The following HMSD variants were observed in gnomAD, a reference collection of about 807,000 sequenced individuals.
HMSD encodes the protein histocompatibility minor serpin domain containing, also known as serpin-like protein HMSD.
In HMSD, 13 loss-of-function variants were observed where a neutral mutation model predicts 10.0. The observed-to-expected ratio is 1.31, with a 90% confidence interval of 0.85 to 2.08. HMSD has a LOEUF of 2.08. Among genes scored for constraint, HMSD ranks in the 30% most tolerant of loss-of-function variants. The pLI is 0.00. For synonymous variants in HMSD, 51 were observed against 54.2 expected (o/e 0.94, Z 0.26); for missense variants, 169 against 166.3 (o/e 1.02, Z -0.09).
intron 3 of HMSD, among the ~76,000 whole-genome samples, chr18:63,967,424 G>A (rs1370656979): frequency 6.6e-6 from 1 of 152,228 alleles, no homozygotes; most frequent in Non-Finnish European, 1.5e-5. Context: ...ATGAGCCACT[G>A]TGCCCTGCCC....
At position 63,954,412 on chromosome 18, in the gene HMSD, T is replaced by A. The variant is rs2050346703; in HGVS notation, c.77T>A (p.Leu26His). ...TTATTATTATTTTATTTTCAGGCAC[T>A]TTGTTTTAGTAAAATCGGAGGTGAA... ...GNTAAQMSQA[L>H]CFSKIGGEDG... is the part of the protein sequence containing the mutation. The change falls in exon 3 of 4, where the codon CTT becomes CAT. Residue 26 changes from leucine to histidine, a missense_variant. Transcript: ENST00000408945. 1 of 1,610,392 alleles carries A rather than the reference T, an allele frequency of 6.2e-7. No homozygotes were observed. The highest frequency in any genetic ancestry group is 1.3e-5 in the African/African-American group (1 of 74,914).
downstream of HMSD, among the ~76,000 whole-genome samples, chr18:63,962,053 T>C (rs1221332447): frequency 6.6e-6 from 1 of 152,134 alleles, no homozygotes; most frequent in African/African-American, 2.4e-5. Flanking sequence ...ACAAAGTGAG[T>C]TCCATTTAGA....
At position 63,960,188 on chromosome 18, in the gene HMSD, C is replaced by T. The variant is rs539361759; in HGVS notation, c.253C>T (p.Gln85Ter). ...TACAGATTCCTGTGGCAAATTCTAC[C>T]AAGCAACGATAAAACAGCTAGACTT... ...GFTDSCGKFY[Q>*]ATIKQLDFVN... Residue 85 changes from glutamine (Q) to a stop codon, truncating the protein, a stop_gained, in exon 4 of 4, where the codon CAA becomes TAA. Coordinates refer to ENST00000408945, the MANE Select transcript of HMSD (RefSeq NM_001123366.2). LOFTEE classifies it high-confidence loss of function. 1.9e-5 allele frequency: 30 copies of T among 1,612,442 alleles called. No homozygotes were observed. In the African/African-American group the frequency reaches 3.7e-4, roughly 20 times the overall value.
chr18:63,961,321 A>G lies in HMSD; in HGVS notation c.*966A>G, dbSNP rs1216686504. On this transcript the variant is annotated 3_prime_UTR_variant, in exon 4 of 4. Transcript: ENST00000408945. ...ATATAATCAGACTTTAGCCATGTAAATCATAAAACATAGAGATAACAATAT... is the reference window on the plus strand; with the variant it reads ...ATATAATCAGACTTTAGCCATGTAAGTCATAAAACATAGAGATAACAATAT... The G allele has an allele frequency of 6.6e-6, 1 of 152,204 alleles. No individual in the cohort carries two copies. Among genetic ancestry groups the G allele is most frequent in the Non-Finnish European group, 1.5e-5 (1 of 68,028 alleles). 9.4% of individuals were successfully genotyped at this position (152,204 alleles called of 1,614,324 possible). A position where few individuals can be genotyped will look rare whatever the true frequency, so the allele number is the denominator to read the frequency against.
chr18:63,954,181 G>C (rs2050345317), intron 2 of HMSD, among the ~76,000 whole-genome samples: 1 of 152,222 alleles, frequency 6.6e-6, no homozygotes, highest in Admixed American at 6.5e-5. Flanking sequence ...CCAATACTTA[G>C]ATAACATTCG....
At chr18:63,949,573 G>C (rs2050318300) in intron 1 of HMSD, among the ~76,000 whole-genome samples, 173 bp downstream of exon 1, 2 of 152,206 alleles carry the variant, frequency 1.3e-5, no homozygotes, top group South Asian at 4.1e-4. Context: ...TCTGGCGGGG[G>C]CTCCCTAAGG....
chr18:63,969,604 T>C (rs2144772060), intron 3 of HMSD: 1 of 152,038 alleles, frequency 6.6e-6, no homozygotes, highest in East Asian at 1.9e-4. Flanking sequence ...CATGAACCTA[T>C]GGATATAGTG....
intron 1 of HMSD, among the ~76,000 whole-genome samples, chr18:63,952,122 C>T (rs1287466279): frequency 8.0e-6 from 1 of 124,488 alleles, no homozygotes; most frequent in Non-Finnish European, 1.6e-5. Flanking sequence ...GGGAATATCA[C>T]ACTCTGGGGA....
chr18:63,955,231 T>C (rs564523866), intron 3 of HMSD, among the ~76,000 whole-genome samples: 2 of 152,254 alleles, frequency 1.3e-5, no homozygotes, highest in Non-Finnish European at 2.9e-5. Flanking sequence ...TATTGTTTTA[T>C]ACTTTGTTAG....
rs1272854180 is a variant in HMSD at position 63,953,387 on chromosome 18, T to G, written c.-69T>G. Reference sequence around the variant, plus strand: ...TCATGGATGCTCTATCAGAAGCAAATGGCACATTTGCATTAAACCTTTTGA... The same window carrying G: ...TCATGGATGCTCTATCAGAAGCAAAGGGCACATTTGCATTAAACCTTTTGA... On this transcript the variant is annotated 5_prime_UTR_variant, in exon 2 of 4. The change abolishes an upstream ATG in the 5' untranslated region. Transcript: ENST00000408945. 1 of 1,199,626 alleles carries G rather than the reference T, an allele frequency of 8.3e-7. No homozygotes were observed. The highest frequency in any genetic ancestry group is 1.2e-6 in the Non-Finnish European group (1 of 816,652). The allele number at this position is 1,199,626 out of a possible 1,614,324, so 74.3% of individuals were successfully genotyped here.
intron 1 of HMSD, among the ~76,000 whole-genome samples, chr18:63,952,235 C>G (rs547295931): frequency 4.6e-4 from 69 of 150,988 alleles, no homozygotes; most frequent in Middle Eastern, 3.4e-3. Context: ...CACATGTATA[C>G]ATAACTAACC....
In HMSD at chr18:63,954,551, C is replaced by G; in HGVS notation, c.216C>G (p.Phe72Leu). 6.2e-7 allele frequency: 1 copy of G among 1,609,496 alleles called. No homozygotes were observed. The highest frequency in any genetic ancestry group is 1.3e-5 in the African/African-American group (1 of 74,924). Reference sequence around the variant, plus strand: ...TCTTTGGAGAAAAGTCTTATGATTTCCTCACAGTAAGTCATACTTGTTTAT... The same window carrying G: ...TCTTTGGAGAAAAGTCTTATGATTTGCTCACAGTAAGTCATACTTGTTTAT... Reference protein sequence around the residue: ...NGLFGEKSYDFLTGFTDSCGK... With the variant: ...NGLFGEKSYDLLTGFTDSCGK... The change falls in exon 3 of 4, where the codon TTC becomes TTG. Residue 72 changes from phenylalanine to leucine, a missense_variant. Coordinates refer to ENST00000408945, the MANE Select transcript of HMSD (RefSeq NM_001123366.2).
chr18:63,960,379 CAACTATGCA>C lies in HMSD; in HGVS notation c.*28_*36del, dbSNP rs778438963. 28 of 1,550,746 alleles carry C rather than the reference CAACTATGCA, an allele frequency of 1.8e-5. No individual in the cohort carries two copies. In the African/African-American group the frequency reaches 2.8e-4, roughly 15 times the overall value. ...AAAAAGGAGTCCTTTTTTCTCTAAA[CAACTATGCA>C]AACATTAAAACCTTTCTTTGGAAAT... On this transcript the variant is annotated 3_prime_UTR_variant, in exon 4 of 4. Coordinates refer to ENST00000408945, the MANE Select transcript of HMSD (RefSeq NM_001123366.2).
chr18:63,953,326 A>C, intron 1 of HMSD, 28 bp from the exon 2 acceptor site: 1 of 655,162 alleles, frequency 1.5e-6, no homozygotes, highest in Non-Finnish European at 2.8e-6. Flanking sequence ...ATATTAATGT[A>C]ATATTGTTTA....
chr18:63,960,158 G>T lies in HMSD; in HGVS notation c.223G>T (p.Gly75Cys). The T allele has an allele frequency of 6.2e-7, 1 of 1,610,326 alleles. No individual in the cohort carries two copies. Among genetic ancestry groups the T allele is most frequent in the East Asian group, 2.2e-5 (1 of 44,796 alleles). The change falls in exon 4 of 4, where the codon GGT (glycine) becomes TGT (cysteine). Residue 75 changes from glycine (G) to cysteine (C), a missense_variant and splice_region_variant. Coordinates refer to ENST00000408945, the MANE Select transcript of HMSD (RefSeq NM_001123366.2). ...AAATTATGTTTTTGGTTTTTCCTAG[G>T]GTTTTACAGATTCCTGTGGCAAATT... ...FGEKSYDFLT[G>C]FTDSCGKFYQ...
chr18:63,966,658 CATTT>C (rs1188597978), downstream of HMSD: 3 of 152,220 alleles, frequency 2.0e-5, no homozygotes, highest in African/African-American at 7.2e-5. Flanking sequence ...TTTTTCCTGA[CATTT>C]ATTTATTTCA....
intron 3 of HMSD, among the ~76,000 whole-genome samples, chr18:63,958,703 C>G (rs1023566902): frequency 6.6e-6 from 1 of 152,100 alleles, no homozygotes; most frequent in Non-Finnish European, 1.5e-5. Flanking sequence ...ATTAATTATT[C>G]AGTTCCTCAG....
At chr18:63,951,263 G>GT (rs2050328862) in intron 1 of HMSD, among the ~76,000 whole-genome samples, 1 of 152,112 alleles carries the variant, frequency 6.6e-6, no homozygotes, top group Non-Finnish European at 1.5e-5. Context: ...TTAAAATAAC[G>GT]TATTTGCTGT....
chr18:63,965,033 C>G (rs747563789), downstream of HMSD, among the ~76,000 whole-genome samples: 8 of 152,142 alleles, frequency 5.3e-5, no homozygotes, highest in Non-Finnish European at 1.0e-4. Context: ...TAATTCTCTT[C>G]TCTTCAAATC....
Sources: allele counts gnomAD v4.1 joint callset (sites outside exome capture counted in the v4.1 genomes callset), GRCh38; gene constraint gnomAD v4.1.1; transcripts MANE v1.5; gene names NCBI Gene and HGNC (gene_info 2026-07-23, HGNC 2026-07-21).